SH2D4B: variants seen among roughly 807,000 people sequenced by gnomAD.
SH2D4B encodes the protein SH2 domain-containing protein 4B.
In SH2D4B, 45 loss-of-function variants were observed where a neutral mutation model predicts 61.5. The observed-to-expected ratio is 0.73, with a 90% CI of 0.58 to 0.94. SH2D4B has a LOEUF of 0.94. Ranked by LOEUF, SH2D4B falls within the 40% of genes least tolerant of loss-of-function variation. The pLI is 0.00. For synonymous variants in SH2D4B, 224 were observed against 220.4 expected (o/e 1.02, Z -0.14); for missense variants, 572 against 574.2 (o/e 1.00, Z 0.04).
chr10:80,546,845 A>G (rs904166897), intron 1 of SH2D4B, among the ~76,000 whole-genome samples: 2 of 152,198 alleles, frequency 1.3e-5, no homozygotes, highest in African/African-American at 4.8e-5. Context: ...GTATTTTAAA[A>G]CTTACTTTCA....
chr10:80,596,038 T>C (rs1357244778), intron 4 of SH2D4B, among the ~76,000 whole-genome samples: 1 of 152,236 alleles, frequency 6.6e-6, no homozygotes, highest in Non-Finnish European at 1.5e-5. Context: ...CTTTTCTCTG[T>C]TGACCTCTTC....
chr10:80,609,259 A>G (rs1182556137), intron 5 of SH2D4B, among the ~76,000 whole-genome samples, 165 bp from the exon 6 acceptor site: 1 of 151,962 alleles, frequency 6.6e-6, no homozygotes, highest in Non-Finnish European at 1.5e-5. Context: ...CATGCTTAGC[A>G]TATTCATTCT....
intron 5 of SH2D4B, among the ~76,000 whole-genome samples, chr10:80,606,597 C>A (rs557668837): frequency 6.6e-6 from 1 of 152,196 alleles, no homozygotes; most frequent in Non-Finnish European, 1.5e-5. Context: ...ATCCGCCCAC[C>A]TCGGCCTCCC....
chr10:80,544,586 G>T (rs1841642358), intron 1 of SH2D4B, among the ~76,000 whole-genome samples: 1 of 152,250 alleles, frequency 6.6e-6, no homozygotes, highest in Non-Finnish European at 1.5e-5. Flanking sequence ...GGGCCCTCTT[G>T]GCTTCCGTGT....
At chr10:80,629,222 C>T (rs1012243754) in intron 6 of SH2D4B, among the ~76,000 whole-genome samples, 1 of 152,048 alleles carries the variant, frequency 6.6e-6, no homozygotes, top group Non-Finnish European at 1.5e-5. Context: ...CAGCATATCA[C>T]ATGGCGAGAG....
rs1428776109 is a variant in SH2D4B, at chr10:80,645,553, A to T, written c.*1468A>T. The T allele has an allele frequency of 6.6e-6, 1 of 152,200 alleles. No individual in the cohort carries two copies. The highest frequency in any genetic ancestry group is 2.4e-5 in the African/African-American group (1 of 41,448). 9.4% of individuals were successfully genotyped at this position (152,200 alleles called of 1,614,324 possible). ...TCCTGGAGGAACTATTCTGAGAGTC[A>T]TCTGTTTGTATGGTCTTGTAGAAGA... On this transcript the variant is annotated 3_prime_UTR_variant, in exon 8 of 8. Coordinates refer to ENST00000646907, the MANE Select transcript of SH2D4B (RefSeq NM_001388272.1).
At chr10:80,640,835 G>T (rs780920992) in intron 7 of SH2D4B, among the ~76,000 whole-genome samples, 1 of 152,304 alleles carries the variant, frequency 6.6e-6, no homozygotes, top group South Asian at 2.1e-4. Context: ...TTCTGTTGCT[G>T]CTGAGGAGCT....
At chr10:80,570,464 C>T (rs968688426) in intron 2 of SH2D4B, 148 bp downstream of exon 2, 2 of 923,778 alleles carry the variant, frequency 2.2e-6, no homozygotes, top group African/African-American at 3.3e-5. Flanking sequence ...AGGTGAGCCA[C>T]CCGCTTCGGC....
At chr10:80,548,020 C>T (rs1301136045) in intron 1 of SH2D4B, among the ~76,000 whole-genome samples, 1 of 152,122 alleles carries the variant, frequency 6.6e-6, no homozygotes, top group African/African-American at 2.4e-5. Context: ...TGTCCTATCA[C>T]CTGTCACCTG....
At chr10:80,629,035 A>AC (rs1842798530) in intron 6 of SH2D4B, among the ~76,000 whole-genome samples, 1 of 150,466 alleles carries the variant, frequency 6.6e-6, no homozygotes, top group African/African-American at 2.5e-5. Context: ...ATCTCAAAAA[A>AC]AAAAAAGAAA....
chr10:80,555,376 T>G (rs1841818179), intron 1 of SH2D4B, among the ~76,000 whole-genome samples: 1 of 152,222 alleles, frequency 6.6e-6, no homozygotes, highest in South Asian at 2.1e-4. Context: ...TGCCTACTGT[T>G]CACATTTCTC....
intron 6 of SH2D4B, among the ~76,000 whole-genome samples, chr10:80,612,433 G>A (rs1443731347): frequency 6.6e-6 from 1 of 152,022 alleles, no homozygotes. Context: ...TCTGCACCAT[G>A]GATCTATTAC....
intron 3 of SH2D4B, among the ~76,000 whole-genome samples, chr10:80,586,439 C>G (rs146230721): frequency 0.053 from 8,094 of 152,210 alleles, 248 homozygotes; most frequent in African/African-American, 0.063. Flanking sequence ...ACACACCTGT[C>G]AGCACCCTGT....
intron 4 of SH2D4B, among the ~76,000 whole-genome samples, chr10:80,597,929 G>T (rs1842403503): frequency 6.6e-6 from 1 of 152,202 alleles, no homozygotes; most frequent in Admixed American, 6.5e-5. Context: ...AGGCTTGAAA[G>T]ATAAGATGAG....
At chr10:80,609,644 CAG>C in intron 6 of SH2D4B, 93 bp downstream of exon 6, 1 of 1,575,542 alleles carries the variant, frequency 6.3e-7, no homozygotes, top group Non-Finnish European at 8.7e-7. Context: ...CAGTTATAAT[CAG>C]GGGGCAGAGG....
At chr10:80,620,179 A>G (rs1017104875) in intron 6 of SH2D4B, among the ~76,000 whole-genome samples, 1 of 152,144 alleles carries the variant, frequency 6.6e-6, no homozygotes, top group Non-Finnish European at 1.5e-5. Flanking sequence ...GTAATTCCCA[A>G]TGTTGGGAGA....
chr10:80,543,745 CTG>C (rs1405398543), intron 1 of SH2D4B, among the ~76,000 whole-genome samples: 4 of 152,172 alleles, frequency 2.6e-5, no homozygotes, highest in African/African-American at 9.7e-5. Context: ...AATCGGCACT[CTG>C]TATCTAGCTC....
At chr10:80,580,595 C>A (rs1021449117) in intron 3 of SH2D4B, among the ~76,000 whole-genome samples, 2 of 152,198 alleles carry the variant, frequency 1.3e-5, no homozygotes, top group African/African-American at 4.8e-5. Context: ...TCTCCTCTCC[C>A]ATCATGGCTG....
chr10:80,571,473 T>C lies in SH2D4B; in HGVS notation c.390T>C (p.Ala130=), dbSNP rs777131721. ...EAEITKKFRD[A]LANEKARILA... The stretch of plus-strand genomic sequence containing the variant: ...AGATCACCAAGAAGTTCCGGGATGC[T>C]CTGGCCAATGAGAAAGCCCGGATCT... Residue 130 remains alanine (A), a synonymous_variant, in exon 3 of 8, where the codon GCT becomes GCC. Transcript: ENST00000646907. 2 of 1,614,162 alleles carry C rather than the reference T, an allele frequency of 1.2e-6. No individual in the cohort carries two copies. Among genetic ancestry groups the C allele is most frequent in the Non-Finnish European group, 8.5e-7 (1 of 1,180,028 alleles).
Sources: gnomAD v4.1 joint callset for allele counts (sites outside exome capture counted in the v4.1 genomes callset) on GRCh38, gnomAD v4.1.1 for gene constraint, MANE v1.5 for transcripts, NCBI Gene and HGNC (gene_info 2026-07-23, HGNC 2026-07-21) for gene names.